GRIA2: variants seen among roughly 807,000 people sequenced by gnomAD.
GRIA2 encodes the protein glutamate receptor 2.
Under a neutral mutation model 97.3 loss-of-function variants are expected in GRIA2, and 14 were observed. That is an observed-to-expected ratio of 0.14 (90% CI 0.10 to 0.23). The LOEUF is 0.23. Among genes scored for constraint, GRIA2 ranks in the 10% least tolerant of loss-of-function variants. The probability of loss-of-function intolerance (pLI) is 1.00; values close to 1 mark genes in which losing one functional copy is unlikely to be tolerated. For synonymous variants in GRIA2, 412 were observed against 387.8 expected (o/e 1.06, Z -0.73); for missense variants, 558 against 1,069.8 (o/e 0.52, Z 6.67).
chr4:157,260,402 A>G (rs1476758860), intron 2 of GRIA2, among the ~76,000 whole-genome samples: 2 of 152,110 alleles, frequency 1.3e-5, no homozygotes. Flanking sequence ...CATGATAGAT[A>G]TTTTATGCTA....
intron 2 of GRIA2, among the ~76,000 whole-genome samples, chr4:157,229,201 A>G (rs186395377): frequency 6.6e-6 from 1 of 152,202 alleles, no homozygotes; most frequent in Non-Finnish European, 1.5e-5. Context: ...ATTATTTTGT[A>G]TGCGTATCCT....
At chr4:157,267,908 G>A (rs1447641215) in intron 2 of GRIA2, among the ~76,000 whole-genome samples, 2 of 152,008 alleles carry the variant, frequency 1.3e-5, no homozygotes, top group African/African-American at 2.4e-5. Context: ...AAAAGTTGAA[G>A]TGTTGAAAGG....
intron 2 of GRIA2, among the ~76,000 whole-genome samples, chr4:157,226,300 A>G (rs1729743433): frequency 6.6e-6 from 1 of 152,212 alleles, no homozygotes; most frequent in East Asian, 1.9e-4. Flanking sequence ...AATGCCTTTT[A>G]AAACATTGTA....
intron 2 of GRIA2, among the ~76,000 whole-genome samples, chr4:157,277,788 G>T (rs1323965087): frequency 6.4e-5 from 9 of 140,740 alleles, no homozygotes; most frequent in Non-Finnish European, 1.1e-4. Context: ...GAAATACTAA[G>T]GTATGAATAT....
At chr4:157,281,509 G>T (rs927933630) in intron 2 of GRIA2, among the ~76,000 whole-genome samples, 24 of 151,948 alleles carry the variant, frequency 1.6e-4, no homozygotes, top group Admixed American at 5.9e-4. Flanking sequence ...TTTATTTGGG[G>T]CTCATTCCAT....
Position 157,341,417 on chromosome 4 carries a change from T to C in GRIA2, c.1998T>C (p.Ile666=). 1 of 1,612,812 alleles carries C rather than the reference T, an allele frequency of 6.2e-7. No individual in the cohort carries two copies. The highest frequency in any genetic ancestry group is 8.5e-7 in the Non-Finnish European group (1 of 1,178,988). ...AGGATCTTTCTAAGCAAACAGAAAT[T>C]GCTTATGGAACATTAGACTCTGGCT... is the stretch of plus-strand genomic sequence containing the variant. ...SAEDLSKQTE[I]AYGTLDSGST... Residue 666 remains isoleucine, a synonymous_variant, in exon 12 of 16, where the codon ATT becomes ATC. Coordinates refer to ENST00000264426, the MANE Select transcript of GRIA2 (RefSeq NM_001083619.3).
At chr4:157,299,034 A>G (rs1436363554) in intron 2 of GRIA2, among the ~76,000 whole-genome samples, 1 of 152,010 alleles carries the variant, frequency 6.6e-6, no homozygotes, top group East Asian at 1.9e-4. Context: ...GTGAAAGATA[A>G]TTAGAGCGAC....
intron 2 of GRIA2, among the ~76,000 whole-genome samples, chr4:157,301,179 C>A (rs1333643909): frequency 6.6e-6 from 1 of 152,088 alleles, no homozygotes; most frequent in Non-Finnish European, 1.5e-5. Flanking sequence ...AATTGCTGAA[C>A]AAATTTAAGA....
intron 12 of GRIA2, among the ~76,000 whole-genome samples, chr4:157,355,111 C>T (rs920532076): frequency 1.3e-5 from 2 of 152,132 alleles, no homozygotes; most frequent in African/African-American, 4.8e-5. Flanking sequence ...TTTTCTCCAG[C>T]TCATATTAAA....
At chr4:157,228,059 G>A (rs888709053) in intron 2 of GRIA2, among the ~76,000 whole-genome samples, 2 of 152,150 alleles carry the variant, frequency 1.3e-5, no homozygotes, top group African/African-American at 4.8e-5. Flanking sequence ...CTTATAGAAT[G>A]AAAACATTTT....
chr4:157,360,929 A>G, intron 13 of GRIA2, 81 bp from the exon 14 acceptor site: 1 of 1,057,602 alleles, frequency 9.5e-7, no homozygotes, highest in Non-Finnish European at 1.4e-6. Context: ...CAGAAGCCAA[A>G]GAAAAACAAA....
At chr4:157,220,253 C>G (rs1012752485), upstream of GRIA2, 5 of 152,370 alleles carry the variant, frequency 3.3e-5, no homozygotes, top group Admixed American at 3.3e-4. Flanking sequence ...GGTGAGAGGA[C>G]GCTTCGCCGC....
intron 2 of GRIA2, among the ~76,000 whole-genome samples, chr4:157,258,810 C>T (rs549463373): frequency 1.2e-4 from 18 of 152,096 alleles, no homozygotes; most frequent in African/African-American, 2.4e-4. Flanking sequence ...TCAGAGCAGC[C>T]GACACTTAGG....
At chr4:157,345,441 T>C (rs750482820) in intron 12 of GRIA2, among the ~76,000 whole-genome samples, 1 of 152,118 alleles carries the variant, frequency 6.6e-6, no homozygotes, top group African/African-American at 2.4e-5. Context: ...AGTGCCACTG[T>C]AGCATACCTA....
intron 8 of GRIA2, among the ~76,000 whole-genome samples, 158 bp from the exon 9 acceptor site, chr4:157,333,852 C>G (rs1036345436): frequency 6.6e-6 from 1 of 151,980 alleles, no homozygotes; most frequent in Non-Finnish European, 1.5e-5. Context: ...TCCTTTTATT[C>G]CTGTTAGATT....
At chr4:157,272,552 C>T (rs1732081462) in intron 2 of GRIA2, among the ~76,000 whole-genome samples, 1 of 152,074 alleles carries the variant, frequency 6.6e-6, no homozygotes, top group Non-Finnish European at 1.5e-5. Context: ...ATTGCTCACT[C>T]CCTTCATCAC....
chr4:157,234,992 C>T (rs1362027589), intron 2 of GRIA2, among the ~76,000 whole-genome samples: 3 of 152,028 alleles, frequency 2.0e-5, no homozygotes, highest in Non-Finnish European at 4.4e-5. Context: ...TGAATTGACT[C>T]TTATTCTTCT....
At chr4:157,335,510 G>A (rs754064704) in intron 9 of GRIA2, 161 bp from the exon 10 acceptor site, 83 of 601,620 alleles carry the variant, frequency 1.4e-4, no homozygotes, top group Middle Eastern at 4.3e-4. Flanking sequence ...CTGGGGGGAA[G>A]CATTATGCTT....
At chr4:157,234,645 A>G (rs1489596422) in intron 2 of GRIA2, among the ~76,000 whole-genome samples, 5 of 152,168 alleles carry the variant, frequency 3.3e-5, no homozygotes, top group Non-Finnish European at 7.4e-5. Context: ...GGACCTTATT[A>G]AACTTGGAAC....
Sources: gnomAD v4.1 joint callset for allele counts (sites outside exome capture counted in the v4.1 genomes callset) on GRCh38, gnomAD v4.1.1 for gene constraint, MANE v1.5 for transcripts, NCBI Gene and HGNC (gene_info 2026-07-23, HGNC 2026-07-21) for gene names.